CLVS1: variants seen among roughly 807,000 people sequenced by gnomAD.
CLVS1 encodes the protein clavesin-1.
A neutral mutation model predicts 33.1 loss-of-function variants in CLVS1; 10 were observed. That is an observed-to-expected ratio of 0.30 (90% CI 0.19 to 0.51). The LOEUF (loss-of-function observed/expected upper bound fraction) is 0.51. Among genes scored for constraint, CLVS1 ranks in the 20% least tolerant of loss-of-function variants. CLVS1 has a pLI of 0.97. For synonymous variants in CLVS1, 163 were observed against 166.1 expected (o/e 0.98, Z 0.14); for missense variants, 343 against 433.4 (o/e 0.79, Z 1.85).
intron 2 of CLVS1, among the ~76,000 whole-genome samples, chr8:61,230,219 C>T (rs184297968): frequency 1.3e-5 from 2 of 152,246 alleles, no homozygotes; most frequent in East Asian, 3.9e-4. Context: ...TACCGTGTAG[C>T]CTGTTTCTAC....
At chr8:61,373,829 C>T (rs189259385) in intron 2 of CLVS1, among the ~76,000 whole-genome samples, 2 of 152,292 alleles carry the variant, frequency 1.3e-5, no homozygotes, top group Admixed American at 1.3e-4. Flanking sequence ...TGCTTATGCA[C>T]CTGTGGGTAG....
chr8:61,356,700 G>C (rs1024897855), intron 2 of CLVS1, among the ~76,000 whole-genome samples: 7 of 152,128 alleles, frequency 4.6e-5, no homozygotes, highest in African/African-American at 1.4e-4. Flanking sequence ...GTTTTTCTCA[G>C]GTTTGTCAAA....
intron 2 of CLVS1, among the ~76,000 whole-genome samples, chr8:61,348,785 G>T (rs1002666371): frequency 2.0e-5 from 3 of 152,032 alleles, no homozygotes; most frequent in African/African-American, 7.2e-5. Flanking sequence ...TTAACTTTTT[G>T]AGGAACTTTT....
intron 2 of CLVS1, among the ~76,000 whole-genome samples, chr8:61,336,532 G>A (rs1415248551): frequency 6.6e-6 from 1 of 152,138 alleles, no homozygotes; most frequent in African/African-American, 2.4e-5. Context: ...GAAGTGAGCA[G>A]AACCCTCCCT....
At chr8:60,996,085 C>T in the CLVS1 span, among the ~76,000 whole-genome samples, 11 of 152,034 alleles carry the variant, frequency 7.2e-5, no homozygotes, top group Admixed American at 2.0e-4. Context: ...GTGGGTGCAG[C>T]GCACCAGCAT....
chr8:61,328,130 G>C (rs28731014), intron 2 of CLVS1, among the ~76,000 whole-genome samples: 7,971 of 152,192 alleles, frequency 0.052, 660 homozygotes, highest in African/African-American at 0.17. Context: ...TAGGCTCTGG[G>C]AGTTTCATGA....
At chr8:61,355,134 A>G (rs1812638225) in intron 2 of CLVS1, among the ~76,000 whole-genome samples, 1 of 152,100 alleles carries the variant, frequency 6.6e-6, no homozygotes, top group South Asian at 2.1e-4. Flanking sequence ...ACTTGACTTT[A>G]TCAGCTAGAG....
intron 2 of CLVS1, among the ~76,000 whole-genome samples, chr8:61,352,574 T>C (rs1027835278): frequency 9.2e-5 from 14 of 152,010 alleles, no homozygotes; most frequent in African/African-American, 2.9e-4. Context: ...AGATATATCA[T>C]GCAAAGATGG....
At chr8:61,023,333 T>G in the CLVS1 span, among the ~76,000 whole-genome samples, 3 of 152,238 alleles carry the variant, frequency 2.0e-5, no homozygotes, top group Non-Finnish European at 4.4e-5. Context: ...AATGTGTAAT[T>G]ATTCTGTCCT....
At chr8:61,099,795 T>C (rs1226251531) in intron 1 of CLVS1, among the ~76,000 whole-genome samples, 1 of 152,206 alleles carries the variant, frequency 6.6e-6, no homozygotes, top group African/African-American at 2.4e-5. Flanking sequence ...AAACTAATAT[T>C]CAGGCTACTG....
intron 2 of CLVS1, among the ~76,000 whole-genome samples, chr8:61,350,185 A>G (rs994736268): frequency 2.6e-5 from 4 of 152,150 alleles, no homozygotes; most frequent in Non-Finnish European, 2.9e-5. Flanking sequence ...TTTAACCATT[A>G]CATAATATAT....
the CLVS1 span, among the ~76,000 whole-genome samples, chr8:61,046,990 C>T: frequency 6.6e-6 from 1 of 152,092 alleles, no homozygotes; most frequent in African/African-American, 2.4e-5. Flanking sequence ...TTTCCTTCTC[C>T]TGCCTAATTG....
At chr8:61,295,350 T>C (rs567862563) in intron 1 of CLVS1, among the ~76,000 whole-genome samples, 1 of 152,282 alleles carries the variant, frequency 6.6e-6, no homozygotes, top group Admixed American at 6.5e-5. Flanking sequence ...TCTGTTATCT[T>C]TGATCTGTCA....
chr8:61,092,957 G>T (rs1805277412), intron 1 of CLVS1, among the ~76,000 whole-genome samples: 1 of 152,142 alleles, frequency 6.6e-6, no homozygotes. Flanking sequence ...GCAGTGCAAG[G>T]ACGAGACACA....
the CLVS1 span, among the ~76,000 whole-genome samples, chr8:60,970,249 G>A: frequency 1.3e-5 from 2 of 152,142 alleles, no homozygotes; most frequent in East Asian, 1.9e-4. Context: ...ATTCACATCC[G>A]CCATTCTGTC....
chr8:61,138,953 A>G (rs1333375695), intron 2 of CLVS1, among the ~76,000 whole-genome samples: 1 of 152,254 alleles, frequency 6.6e-6, no homozygotes, highest in Admixed American at 6.5e-5. Flanking sequence ...GATCTCTTGC[A>G]GGAGAGGAAA....
chr8:61,131,308 G>A (rs1375208857), intron 1 of CLVS1, among the ~76,000 whole-genome samples: 1 of 152,258 alleles, frequency 6.6e-6, no homozygotes, highest in Non-Finnish European at 1.5e-5. Flanking sequence ...TGGGTCAGAT[G>A]TAAGGTGATG....
At chr8:61,323,162 G>C (rs914240592) in intron 2 of CLVS1, among the ~76,000 whole-genome samples, 5 of 152,140 alleles carry the variant, frequency 3.3e-5, no homozygotes, top group African/African-American at 1.2e-4. Flanking sequence ...TTTGGGAGCA[G>C]GGAGAGTGTC....
chr8:61,364,191 A>G (rs567088444), intron 2 of CLVS1, among the ~76,000 whole-genome samples: 2 of 152,322 alleles, frequency 1.3e-5, no homozygotes, highest in African/African-American at 4.8e-5. Context: ...AGCCACCACT[A>G]GGCATTACAG....
Sources: allele counts gnomAD v4.1 joint callset (sites outside exome capture counted in the v4.1 genomes callset), GRCh38; gene constraint gnomAD v4.1.1; transcripts MANE v1.5; gene names NCBI Gene and HGNC (gene_info 2026-07-23, HGNC 2026-07-21).